TTBK2: variants seen among roughly 807,000 people sequenced by gnomAD.
TTBK2 encodes the protein tau-tubulin kinase 2.
Under a neutral mutation model 110.8 loss-of-function variants are expected in TTBK2, and 28 were observed. The observed-to-expected ratio is 0.25, with a 90% CI of 0.19 to 0.35. TTBK2 has a LOEUF of 0.35. TTBK2 is among the 10% of genes least tolerant of loss of function. The pLI is 1.00. For synonymous variants in TTBK2, 532 were observed against 527.3 expected (o/e 1.01, Z -0.12); for missense variants, 1,369 against 1,500.3 (o/e 0.91, Z 1.45).
chr15:42,888,279 A>G (rs1472302989), intron 1 of TTBK2, among the ~76,000 whole-genome samples: 2 of 151,738 alleles, frequency 1.3e-5, no homozygotes, highest in Non-Finnish European at 2.9e-5. Flanking sequence ...CTATACTCAC[A>G]CTTCGTTGAG....
chr15:42,783,408 G>C lies in TTBK2; in HGVS notation c.1197+11C>G. The C allele has an allele frequency of 6.2e-7, 1 of 1,610,888 alleles. No individual in the cohort carries two copies. ...AGAAATAAATTTCTGTTGTTTATAA[G>C]GTACTCATACCTTACAAATTCCAAG... On this transcript the variant is annotated intron_variant, in intron 11 of 14. Transcript: ENST00000267890.
intron 3 of TTBK2, among the ~76,000 whole-genome samples, chr15:42,866,775 T>C (rs1894386614): frequency 6.6e-6 from 1 of 152,154 alleles, no homozygotes. Flanking sequence ...CTGGAAAAAT[T>C]CTGAAATACA....
At chr15:42,757,513 C>A (rs1243827685) in intron 13 of TTBK2, among the ~76,000 whole-genome samples, 1 of 152,152 alleles carries the variant, frequency 6.6e-6, no homozygotes. Context: ...CACAGTACAG[C>A]CTACTGACAT....
intron 1 of TTBK2, among the ~76,000 whole-genome samples, chr15:42,900,300 T>C (rs2029913268): frequency 6.6e-6 from 1 of 152,128 alleles, no homozygotes; most frequent in Non-Finnish European, 1.5e-5. Context: ...CCTAGAAAAG[T>C]TCTTTATGTT....
chr15:42,801,120 C>T (rs1302704522), intron 9 of TTBK2: 1 of 924,398 alleles, frequency 1.1e-6, no homozygotes. Context: ...GAGGCCAGGG[C>T]TTGTGAGGCC....
chr15:42,884,483 G>A (rs1432648698), intron 1 of TTBK2, among the ~76,000 whole-genome samples: 1 of 152,172 alleles, frequency 6.6e-6, no homozygotes, highest in Non-Finnish European at 1.5e-5. Flanking sequence ...AAGATGATAG[G>A]AGTGAATTTT....
intron 1 of TTBK2, among the ~76,000 whole-genome samples, chr15:42,896,499 C>T (rs1209925861): frequency 6.6e-6 from 1 of 151,708 alleles, no homozygotes; most frequent in African/African-American, 2.4e-5. Context: ...AAATATACAA[C>T]TTTTAGGGCA....
intron 7 of TTBK2, among the ~76,000 whole-genome samples, chr15:42,815,958 A>AATATATAT (rs1555427628): frequency 9.8e-5 from 9 of 91,692 alleles, no homozygotes; most frequent in African/African-American, 5.6e-4. Flanking sequence ...TTAAAAAAAA[A>AATATATAT]ATATATATAT....
chr15:42,800,960 G>A, intron 9 of TTBK2: 1 of 745,228 alleles, frequency 1.3e-6, no homozygotes, highest in Non-Finnish European at 2.5e-6. Flanking sequence ...GCTGGGAGGG[G>A]CTTCACTTGG....
At chr15:42,836,710 G>A (rs924533615) in intron 4 of TTBK2, among the ~76,000 whole-genome samples, 11 of 152,166 alleles carry the variant, frequency 7.2e-5, no homozygotes, top group African/African-American at 2.2e-4. Flanking sequence ...TATATGCTAA[G>A]ACTCAGAAAG....
chr15:42,839,239 G>A (rs989483409), intron 4 of TTBK2, among the ~76,000 whole-genome samples: 1 of 152,092 alleles, frequency 6.6e-6, no homozygotes, highest in Non-Finnish European at 1.5e-5. Context: ...TAGGATAATG[G>A]CCTCCAGCTG....
chr15:42,861,450 A>T (rs973712163), intron 3 of TTBK2, among the ~76,000 whole-genome samples: 2 of 152,242 alleles, frequency 1.3e-5, no homozygotes, highest in Non-Finnish European at 2.9e-5. Context: ...AAGATCTATC[A>T]AAACTACAAA....
At chr15:42,858,598 T>C (rs977865417) in intron 3 of TTBK2, among the ~76,000 whole-genome samples, 4 of 152,170 alleles carry the variant, frequency 2.6e-5, no homozygotes, top group Admixed American at 2.0e-4. Context: ...TGCCATGCCA[T>C]TCTATCAACA....
intron 9 of TTBK2, chr15:42,800,919 C>T: frequency 1.4e-6 from 1 of 700,096 alleles, no homozygotes; most frequent in Non-Finnish European, 2.6e-6. Flanking sequence ...GGCCTCCCTC[C>T]TAGGCTCTGC....
chr15:42,748,461 G>GA (rs910170484), intron 14 of TTBK2, among the ~76,000 whole-genome samples: 208 of 137,290 alleles, frequency 1.5e-3, no homozygotes, highest in African/African-American at 2.0e-3. Context: ...CGTCTCAAAA[G>GA]AAAAAAAAAA....
intron 1 of TTBK2, among the ~76,000 whole-genome samples, chr15:42,910,978 A>AGGAT (rs1157223237): frequency 6.7e-6 from 1 of 150,354 alleles, no homozygotes; most frequent in Admixed American, 6.6e-5. Flanking sequence ...CAGGAGGCGG[A>AGGAT]GGATGCAGTG....
chr15:42,817,677 T>A (rs1892096072), intron 6 of TTBK2, among the ~76,000 whole-genome samples: 1 of 152,210 alleles, frequency 6.6e-6, no homozygotes, highest in Admixed American at 6.5e-5. Flanking sequence ...ATGATCCTAG[T>A]CCTCAGAGAA....
intron 1 of TTBK2, among the ~76,000 whole-genome samples, chr15:42,881,783 A>G (rs1895059188): frequency 6.6e-6 from 1 of 152,096 alleles, no homozygotes; most frequent in Non-Finnish European, 1.5e-5. Flanking sequence ...AGGCAGGAGA[A>G]TCGCTTGAAC....
In TTBK2 at chr15:42,866,829, G is replaced by T. The variant is rs189695655; in HGVS notation, c.217+5782C>A. 6.6e-5 allele frequency among the ~76,000 whole-genome samples: 10 copies of T among 152,244 alleles called. No homozygotes were observed. The East Asian group carries it at 1.9e-3, about 29-fold the overall frequency. ...ACTTCTAAATAACACAGGAGTCAAA[G>T]AACTATCATAAGAAGTTTTAAACTA... On this transcript the variant is annotated intron_variant, in intron 3 of 14. Coordinates refer to ENST00000267890, the MANE Select transcript of TTBK2 (RefSeq NM_173500.4).
Sources: allele counts gnomAD v4.1 joint callset (sites outside exome capture counted in the v4.1 genomes callset), GRCh38; gene constraint gnomAD v4.1.1; transcripts MANE v1.5; gene names NCBI Gene and HGNC (gene_info 2026-07-23, HGNC 2026-07-21).